The following FCHO1 variants were observed in gnomAD, a reference collection of about 807,000 sequenced individuals.
FCHO1 encodes FCH and mu domain containing endocytic adaptor 1.
In FCHO1, 45 loss-of-function variants were observed where a neutral mutation model predicts 114.4. The ratio of observed to expected loss-of-function variants is 0.39; its 90% CI spans 0.31 to 0.50. The LOEUF is 0.50. Among genes scored for constraint, FCHO1 ranks in the 20% least tolerant of loss-of-function variants. The probability of loss-of-function intolerance (pLI) is 0.77; values close to 1 mark genes in which losing one functional copy is unlikely to be tolerated. For missense variants in FCHO1, 1,042 were observed against 1,209.6 expected, an observed-to-expected ratio of 0.86 and a Z score of 2.06; for synonymous variants, 480 against 488.9, an observed-to-expected ratio of 0.98 and a Z score of 0.24.
rs564221728 is a variant in FCHO1, at chr19:17,780,077, C to T, written c.1628-1154C>T. 7.2e-5 allele frequency among the ~76,000 whole-genome samples: 11 copies of T among 152,034 alleles called. No homozygotes were observed. In the South Asian group the frequency reaches 2.3e-3, roughly 32 times the overall value. Reference sequence around the variant, plus strand: ...GTAGTGTCAACAAGGGCTCCTGGCACCCTCCATAGGAAAGGGCCAGGCTGG... The same window carrying T: ...GTAGTGTCAACAAGGGCTCCTGGCATCCTCCATAGGAAAGGGCCAGGCTGG... On this transcript the variant is annotated intron_variant, in intron 20 of 28. Coordinates refer to ENST00000596536, the MANE Select transcript of FCHO1 (RefSeq NM_015122.3).
In FCHO1 at chr19:17,781,556, CTGGGCCTGGCTT is replaced by C. The variant is rs1396844849; in HGVS notation, c.1828+25_1828+36del. On this transcript the variant is annotated intron_variant, in intron 22 of 28. Coordinates refer to ENST00000596536, the MANE Select transcript of FCHO1 (RefSeq NM_015122.3). ...CAGGACACGGTATGTGAGGGCGGTC[CTGGGCCTGGCTT>C]TGGGCCTCAGTGTCACCTTCTCTGG... is the stretch of plus-strand genomic sequence containing the variant. The C allele has an allele frequency of 2.5e-6, 4 of 1,613,298 alleles. No individual in the cohort carries two copies. In the African/African-American group the frequency reaches 5.3e-5, roughly 22 times the overall value.
chr19:17,770,467 C>A lies in FCHO1; in HGVS notation c.379C>A (p.Leu127Ile). Residue 127 changes from leucine (L) to isoleucine (I), a missense_variant, in exon 8 of 29, where the codon CTC (leucine) becomes ATC (isoleucine). Coordinates refer to ENST00000596536, the MANE Select transcript of FCHO1 (RefSeq NM_015122.3). ...GAGCACCTTGGATGCTGTGCAGGTA[C>A]TCTCGGGCGTCAGCCAGCTCCTGCC... ...VVSTLDAVQV[L>I]SGVSQLLPKS... The A allele has an allele frequency of 6.2e-7, 1 of 1,613,898 alleles. No individual in the cohort carries two copies. Among genetic ancestry groups the A allele is most frequent in the Non-Finnish European group, 8.5e-7 (1 of 1,179,930 alleles).
At chr19:17,788,180 T>C (rs1279153689) in intron 28 of FCHO1, 104 bp from the exon 29 acceptor site, 8 of 896,550 alleles carry the variant, frequency 8.9e-6, no homozygotes, top group Non-Finnish European at 1.5e-5. Context: ...ACAGGGGTGT[T>C]TTGAAGAGGA....
chr19:17,763,284 A>G (rs1044177499), intron 5 of FCHO1, among the ~76,000 whole-genome samples: 10 of 132,216 alleles, frequency 7.6e-5, no homozygotes, highest in African/African-American at 2.7e-4. Flanking sequence ...TTTTTTTTAA[A>G]CAGAGTTTTG....
rs1484929779 is a variant in FCHO1, at chr19:17,757,208, C to T, written c.27+2017C>T. ...AAAAAAAAAAAAAAAAAAAAAAGAC[C>T]ACATTTTGGCTGGCACAGAGGCCAA... On this transcript the variant is annotated intron_variant, in intron 4 of 28. Coordinates refer to ENST00000596536, the MANE Select transcript of FCHO1 (RefSeq NM_015122.3). Among the ~76,000 whole-genome samples the T allele has an allele frequency of 3.3e-5, 5 of 150,686 alleles. No homozygotes were observed. In the East Asian group the frequency reaches 5.9e-4, roughly 18 times the overall value.
chr19:17,765,514 A>C (rs1256089219), intron 6 of FCHO1, among the ~76,000 whole-genome samples: 1 of 151,892 alleles, frequency 6.6e-6, no homozygotes, highest in Non-Finnish European at 1.5e-5. Flanking sequence ...CTCTACTAAA[A>C]ATGCAAAAAT....
upstream of FCHO1, among the ~76,000 whole-genome samples, chr19:17,748,226 G>A (rs985163427): frequency 4.6e-5 from 7 of 152,174 alleles, no homozygotes; most frequent in African/African-American, 1.4e-4. Flanking sequence ...TCCCAGCTCC[G>A]GCCTGCAGAC....
rs1225729299 is a variant in FCHO1 at position 17,774,389 on chromosome 19, C to A, written c.836-5C>A. 12 of 1,613,928 alleles carry A rather than the reference C, an allele frequency of 7.4e-6. No individual in the cohort carries two copies. Among genetic ancestry groups the A allele is most frequent in the Non-Finnish European group, 1.0e-5 (12 of 1,179,998 alleles). ...GTGCTCAGGTGCCCCCCAATCTATCCTCAGCGATGAAACGTTTGCGGGGAG... is the reference window on the plus strand; with the variant it reads ...GTGCTCAGGTGCCCCCCAATCTATCATCAGCGATGAAACGTTTGCGGGGAG... On this transcript the variant is annotated splice_polypyrimidine_tract_variant and splice_region_variant and intron_variant, in intron 12 of 28. Transcript: ENST00000596536.
intron 11 of FCHO1, among the ~76,000 whole-genome samples, chr19:17,773,406 T>G (rs546643863): frequency 1.6e-4 from 24 of 152,290 alleles, no homozygotes; most frequent in African/African-American, 5.5e-4. Flanking sequence ...CGTCCTCAAG[T>G]CTTGTTAACT....
At chr19:17,780,507 G>GGGGACATTGTCA (rs2093304385) in intron 20 of FCHO1, among the ~76,000 whole-genome samples, 1 of 152,092 alleles carries the variant, frequency 6.6e-6, no homozygotes, top group South Asian at 2.1e-4. Flanking sequence ...TGCCCCCCCA[G>GGGGACATTGTCA]GGGACATTGT....
chr19:17,783,202 T>C (rs1480294920), intron 24 of FCHO1, 30 bp downstream of exon 24: 12 of 1,603,576 alleles, frequency 7.5e-6, no homozygotes, highest in African/African-American at 1.3e-5. Flanking sequence ...GGAGAGGGCC[T>C]CGGAGGCTGC....
In FCHO1 at chr19:17,778,715, C is replaced by G; in HGVS notation, c.1458C>G (p.Gly486=). Residue 486 remains glycine (G), a synonymous_variant, in exon 20 of 29, where the codon GGC becomes GGG. Coordinates refer to ENST00000596536, the MANE Select transcript of FCHO1 (RefSeq NM_015122.3). ...ACTCTCCGTCCCACGCGGCACCTGG[C>G]CCCTCCCCAGATTCCTGGGTCCCCC... is the stretch of plus-strand genomic sequence containing the variant. ...GLDSPSHAAP[G]PSPDSWVPRP... 1 of 1,545,954 alleles carries G rather than the reference C, an allele frequency of 6.5e-7. No homozygotes were observed.
chr19:17,786,361 A>C lies in FCHO1; in HGVS notation c.2427-213A>C, dbSNP rs900349612. ...AAAACACACAAAAAAACACAAAACA[A>C]ACACACACACACACACACACACAGA... On this transcript the variant is annotated intron_variant, in intron 26 of 28. Coordinates refer to ENST00000596536, the MANE Select transcript of FCHO1 (RefSeq NM_015122.3). Among the ~76,000 whole-genome samples the C allele has an allele frequency of 5.4e-5, 8 of 149,104 alleles. No homozygotes were observed. In the East Asian group the frequency reaches 9.9e-4, roughly 18 times the overall value.
chr19:17,781,987 CTTTTTTTTTTTTTTTTTT>C (rs67498129), intron 23 of FCHO1, among the ~76,000 whole-genome samples, 167 bp downstream of exon 23: 13 of 126,012 alleles, frequency 1.0e-4, no homozygotes, highest in Admixed American at 1.5e-4. Flanking sequence ...ATAGGAGGGC[CTTTTTTTTTTTTTTTTTT>C]TTTTTTTTTT....
Position 17,782,901 on chromosome 19 carries a change from C to T in FCHO1, c.1938-116C>T, listed in dbSNP as rs562221489. ...GGATACGGGGGATCATCAGGGCCAT[C>T]CTCCTAGATCCGAGGAGTCTGGGGA... On this transcript the variant is annotated intron_variant, in intron 23 of 28. Coordinates refer to ENST00000596536, the MANE Select transcript of FCHO1 (RefSeq NM_015122.3). 1.2e-4 allele frequency: 138 copies of T among 1,148,756 alleles called. No individual in the cohort carries two copies. In the Admixed American group the frequency reaches 1.5e-3, roughly 12 times the overall value. 71.2% of individuals were successfully genotyped at this position (1,148,756 alleles called of 1,614,324 possible). A position where few individuals can be genotyped will look rare whatever the true frequency, so the allele number is the denominator to read the frequency against.
intron 3 of FCHO1, 105 bp from the exon 4 acceptor site, chr19:17,755,013 G>C (rs1322469341): frequency 2.5e-6 from 2 of 784,408 alleles, no homozygotes; most frequent in Non-Finnish European, 4.6e-6. Flanking sequence ...GGAGCTTTCA[G>C]TTCCTCCTTC....
At position 17,770,381 on chromosome 19, in the gene FCHO1, A is replaced by C. The variant is rs765759651; in HGVS notation, c.337-44A>C. 2.6e-6 allele frequency: 4 copies of C among 1,565,028 alleles called. No individual in the cohort carries two copies. The African/African-American group carries it at 4.1e-5, about 16-fold the overall frequency. Reference sequence around the variant, plus strand: ...CATCACGTGGAGTGTTTGGGAGGTCAGGAATTTCACAGTCTACCCATGAAA... The same window carrying C: ...CATCACGTGGAGTGTTTGGGAGGTCCGGAATTTCACAGTCTACCCATGAAA... On this transcript the variant is annotated intron_variant, in intron 7 of 28. Coordinates refer to ENST00000596536, the MANE Select transcript of FCHO1 (RefSeq NM_015122.3).
At chr19:17,780,975 T>C (rs2093350362) in intron 20 of FCHO1, among the ~76,000 whole-genome samples, 1 of 152,260 alleles carries the variant, frequency 6.6e-6, no homozygotes, top group African/African-American at 2.4e-5. Flanking sequence ...AAGCCTTCAG[T>C]GCTTGCTTGC....
Position 17,763,563 on chromosome 19 carries a change from C to CTTTTT in FCHO1, c.119+721_119+725dup, listed in dbSNP as rs71162195. Among the ~76,000 whole-genome samples, 14 of 113,544 alleles carry CTTTTT rather than the reference C, an allele frequency of 1.2e-4. 5 individuals are homozygous for CTTTTT. The highest frequency in any genetic ancestry group is 2.9e-4 in the South Asian group (1 of 3,478). 74.5% of individuals were successfully genotyped at this position (113,544 alleles called of 152,430 possible). Reference sequence around the variant, plus strand: ...ACAGATGTAAGCCACTGCACTCTGCCTTTTTTTTTTTTTTTCTTTTTGGAG... The same window carrying CTTTTT: ...ACAGATGTAAGCCACTGCACTCTGCCTTTTTTTTTTTTTTTTTTTTCTTTTTGGAG... On this transcript the variant is annotated intron_variant, in intron 5 of 28. Coordinates refer to ENST00000596536, the MANE Select transcript of FCHO1 (RefSeq NM_015122.3).
Sources: gnomAD v4.1 joint callset for allele counts (sites outside exome capture counted in the v4.1 genomes callset) on GRCh38, gnomAD v4.1.1 for gene constraint, MANE v1.5 for transcripts, NCBI Gene and HGNC (gene_info 2026-07-23, HGNC 2026-07-21) for gene names.